The following CAND2 variants were observed in gnomAD, a reference collection of about 807,000 sequenced individuals.
CAND2 encodes cullin associated and neddylation dissociated 2 (putative), also known as cullin-associated NEDD8-dissociated protein 2.
Under a neutral mutation model 98.9 loss-of-function variants are expected in CAND2, and 62 were observed. The observed-to-expected ratio is 0.63, with a 90% CI of 0.51 to 0.77. The LOEUF is 0.77. CAND2 is among the 30% of genes least tolerant of loss of function. The probability of loss-of-function intolerance (pLI) is 0.00; values close to 1 mark genes in which losing one functional copy is unlikely to be tolerated. For synonymous variants in CAND2, 770 were observed against 731.9 expected, an observed-to-expected ratio of 1.05 and a Z score of -0.84; for missense variants, 1,501 against 1,655.2, an observed-to-expected ratio of 0.91 and a Z score of 1.62.
intron 10 of CAND2, among the ~76,000 whole-genome samples, chr3:12,818,373 C>T (rs770941896): frequency 2.6e-5 from 4 of 152,326 alleles, no homozygotes; most frequent in South Asian, 2.1e-4. Flanking sequence ...TCCCAGTAGC[C>T]GTAGACTGCA....
chr3:12,799,457 A>G (rs2061750865), intron 1 of CAND2, among the ~76,000 whole-genome samples: 1 of 152,174 alleles, frequency 6.6e-6, no homozygotes. Context: ...CTACACACAT[A>G]CACGTATAAA....
Position 12,813,014 on chromosome 3 carries a change from C to T in CAND2, c.782C>T (p.Pro261Leu). ...GGGGCTCACCTGGACCGCCTGGTGC[C>T]CCTGGTGGAGGATTTCTGCAACCTG... The part of the protein sequence containing the change: ...RLGAHLDRLV[P>L]LVEDFCNLDD... The change falls in exon 6 of 15, where the codon CCC becomes CTC. Residue 261 changes from proline to leucine, a missense_variant. By Grantham distance (98) the Pro-to-Leu change is moderately conservative (BLOSUM62 -3). Coordinates refer to ENST00000456430, the MANE Select transcript of CAND2 (RefSeq NM_001162499.2). 6.3e-7 allele frequency: 1 copy of T among 1,578,990 alleles called. No homozygotes were observed. The highest frequency in any genetic ancestry group is 8.6e-7 in the Non-Finnish European group (1 of 1,163,412).
Position 12,803,480 on chromosome 3 carries a change from C to T in CAND2, c.69-8C>T, listed in dbSNP as rs1477355291. On this transcript the variant is annotated splice_polypyrimidine_tract_variant and splice_region_variant and intron_variant, in intron 1 of 14. Transcript: ENST00000456430. ...TGCTCAGCAATCTCCTCCACCCTCC[C>T]TGTGCAGGTTCATGGCCACCAGCGA... 6.3e-7 allele frequency: 1 copy of T among 1,599,314 alleles called. No homozygotes were observed. The highest frequency in any genetic ancestry group is 1.7e-5 in the Admixed American group (1 of 58,902).
At chr3:12,808,381 C>G (rs1203736735) in intron 4 of CAND2, 48 bp downstream of exon 4, 5 of 1,544,216 alleles carry the variant, frequency 3.2e-6, no homozygotes, top group Middle Eastern at 1.7e-4. Flanking sequence ...TAAAAGGGGA[C>G]AGGGAGGGAC....
chr3:12,801,651 C>G (rs1000447550), intron 1 of CAND2, among the ~76,000 whole-genome samples: 2 of 152,222 alleles, frequency 1.3e-5, no homozygotes, highest in Non-Finnish European at 2.9e-5. Context: ...GCCCTTGCCT[C>G]TGGTGCCCAC....
At chr3:12,828,773 C>CT (rs2062026438) in intron 13 of CAND2, among the ~76,000 whole-genome samples, 1 of 152,214 alleles carries the variant, frequency 6.6e-6, no homozygotes, top group African/African-American at 2.4e-5. Context: ...ATTCAACACT[C>CT]TATGAATTTG....
Position 12,834,167 on chromosome 3 carries a change from A to G in CAND2, c.*185A>G, listed in dbSNP as rs181903980. 206 of 599,780 alleles carry G rather than the reference A, an allele frequency of 3.4e-4. No individual in the cohort carries two copies. Among genetic ancestry groups the G allele is most frequent in the Middle Eastern group, 8.9e-4 (2 of 2,250 alleles). 37.2% of individuals were successfully genotyped at this position (599,780 alleles called of 1,614,324 possible). A position where few individuals can be genotyped will look rare whatever the true frequency, so the allele number is the denominator to read the frequency against. On this transcript the variant is annotated 3_prime_UTR_variant, in exon 15 of 15. Transcript: ENST00000456430. ...ACCCAACTCAAAGGCCCCCAGCCCA[A>G]GCTGTGAGGCTGCCAACAGTTGGGC...
At chr3:12,810,577 C>T (rs896351379) in intron 5 of CAND2, among the ~76,000 whole-genome samples, 5 of 152,228 alleles carry the variant, frequency 3.3e-5, no homozygotes, top group South Asian at 4.1e-4. Flanking sequence ...GGGCCCTGAG[C>T]TCGACAAACC....
intron 1 of CAND2, among the ~76,000 whole-genome samples, chr3:12,798,441 C>T (rs978265090): frequency 6.6e-6 from 1 of 152,176 alleles, no homozygotes; most frequent in African/African-American, 2.4e-5. Context: ...CCTCTTAGTG[C>T]CCCAACACCT....
chr3:12,822,163 T>G (rs375487931), intron 11 of CAND2, among the ~76,000 whole-genome samples: 7 of 152,326 alleles, frequency 4.6e-5, no homozygotes, highest in African/African-American at 1.7e-4. Flanking sequence ...ACTTATTTAT[T>G]CATCAATTTA....
chr3:12,800,379 G>A (rs2061757054), intron 1 of CAND2, among the ~76,000 whole-genome samples: 2 of 152,260 alleles, frequency 1.3e-5, no homozygotes, highest in South Asian at 4.1e-4. Flanking sequence ...TTTGCCACAG[G>A]AGGCGGGGGT....
At chr3:12,797,513 C>T (rs971013950) in intron 1 of CAND2, among the ~76,000 whole-genome samples, 2 of 151,984 alleles carry the variant, frequency 1.3e-5, no homozygotes, top group Non-Finnish European at 2.9e-5. Context: ...CCTTCTTTCC[C>T]CCTCTCACAG....
At chr3:12,805,920 C>G (rs866257308) in intron 2 of CAND2, among the ~76,000 whole-genome samples, 2 of 152,094 alleles carry the variant, frequency 1.3e-5, no homozygotes, top group African/African-American at 4.8e-5. Flanking sequence ...TTTTGATGAC[C>G]AAGGACCCCC....
At position 12,817,470 on chromosome 3, in the gene CAND2, G is replaced by T. The variant is rs780816356; in HGVS notation, c.2538G>T (p.Ser846=). ...STGVKVLAFL[S]LAEVGQVAGP... ...GGGTCAAGGTCCTGGCATTCTTGTC[G>T]CTGGCTGAGGTGGGTCAGGTGGCTG... is the stretch of plus-strand genomic sequence containing the variant. Residue 846 remains serine (S), a synonymous_variant, in exon 10 of 15, where the codon TCG becomes TCT. Transcript: ENST00000456430. 4 of 1,613,570 alleles carry T rather than the reference G, an allele frequency of 2.5e-6. No individual in the cohort carries two copies. The highest frequency in any genetic ancestry group is 2.2e-5 in the East Asian group (1 of 44,876).
In CAND2 at chr3:12,817,510, C is replaced by G; in HGVS notation, c.2578C>G (p.Arg860Gly). The G allele has an allele frequency of 6.2e-7, 1 of 1,613,538 alleles. No individual in the cohort carries two copies. The highest frequency in any genetic ancestry group is 8.5e-7 in the Non-Finnish European group (1 of 1,179,908). ...VGQVAGPGHQ[R>G]ELKAVLLEAL... is the part of the protein sequence containing the mutation. ...TCAGGTGGCTGGGCCAGGCCACCAG[C>G]GGGAGCTGAAGGCGGTGCTCCTGGA... is the stretch of plus-strand genomic sequence containing the variant. Residue 860 changes from arginine to glycine, a missense_variant, in exon 10 of 15, where the codon CGG becomes GGG. Arg to Gly is a moderately radical substitution (Grantham distance 125). Transcript: ENST00000456430.
chr3:12,833,460 T>C (rs2062071757), intron 14 of CAND2, among the ~76,000 whole-genome samples: 1 of 152,148 alleles, frequency 6.6e-6, no homozygotes, highest in Non-Finnish European at 1.5e-5. Flanking sequence ...ACACAGTACT[T>C]GCCACTGTCA....
chr3:12,801,605 G>A (rs940054336), intron 1 of CAND2, among the ~76,000 whole-genome samples: 4 of 152,316 alleles, frequency 2.6e-5, no homozygotes, highest in Middle Eastern at 3.4e-3. Context: ...GGCTTTTGGT[G>A]TCAGGCCCCA....
At chr3:12,803,051 ATGATCTTGGCTCACTG>A (rs1008179763) in intron 1 of CAND2, among the ~76,000 whole-genome samples, 17 of 143,122 alleles carry the variant, frequency 1.2e-4, no homozygotes, top group Non-Finnish European at 2.4e-4. Flanking sequence ...GTACAGTGGC[ATGATCTTGGCTCACTG>A]CAAGCTCCGC....
At chr3:12,813,463 C>G in intron 7 of CAND2, 75 bp downstream of exon 7, 2 of 1,500,290 alleles carry the variant, frequency 1.3e-6, no homozygotes, top group Non-Finnish European at 9.1e-7. Flanking sequence ...CAACCAAAGA[C>G]AGCGGTCACA....
Sources: allele counts gnomAD v4.1 joint callset (sites outside exome capture counted in the v4.1 genomes callset), GRCh38; gene constraint gnomAD v4.1.1; transcripts MANE v1.5; gene names NCBI Gene and HGNC (gene_info 2026-07-23, HGNC 2026-07-21).